Variants in COL17A1 observed in about 807,000 individuals in gnomAD.
The protein encoded by COL17A1 is collagen alpha-1(XVII) chain.
COL17A1 carries 181 observed loss-of-function variants against 218.4 expected under a neutral mutation model. The observed-to-expected ratio is 0.83, with a 90% CI of 0.73 to 0.94. The LOEUF (loss-of-function observed/expected upper bound fraction) is 0.94. Among genes scored for constraint, COL17A1 ranks in the 40% least tolerant of loss-of-function variants. COL17A1 has a pLI of 0.00. For missense variants in COL17A1, 1,924 were observed against 1,945.9 expected (o/e 0.99, Z 0.21); for synonymous variants, 721 against 731.0 (o/e 0.99, Z 0.22).
At chr10:104,047,517 A>G (rs2086424183) in intron 31 of COL17A1, among the ~76,000 whole-genome samples, 4 of 152,170 alleles carry the variant, frequency 2.6e-5, no homozygotes, top group South Asian at 2.1e-4. Context: ...ACAACCTAAC[A>G]CTATGGCAGT....
At position 104,031,895 on chromosome 10, in the gene COL17A1, TC is replaced by T. The variant is rs1844688690; in HGVS notation, c.*339del. On this transcript the variant is annotated 3_prime_UTR_variant, in exon 56 of 56. Transcript: ENST00000648076. ...TCATATTTAGGTAAAGCTCTAAGAC[TC>T]CTGAGCCAACTTTTATGTAACTGGC... 5.0e-6 allele frequency: 2 copies of T among 400,602 alleles called. No individual in the cohort carries two copies. The highest frequency in any genetic ancestry group is 5.1e-5 in the East Asian group (1 of 19,502). 24.8% of individuals were successfully genotyped at this position (400,602 alleles called of 1,614,324 possible).
chr10:104,048,659 C>T (rs991063537), intron 29 of COL17A1, among the ~76,000 whole-genome samples: 1 of 152,186 alleles, frequency 6.6e-6, no homozygotes, highest in Non-Finnish European at 1.5e-5. Context: ...CTGTACCTTG[C>T]GTGACACTTG....
At chr10:104,073,139 G>T in intron 7 of COL17A1, 71 bp downstream of exon 7, 1 of 1,395,810 alleles carries the variant, frequency 7.2e-7, no homozygotes, top group Non-Finnish European at 1.0e-6. Context: ...CTGGCTCAAG[G>T]CTGGACACAC....
intron 9 of COL17A1, among the ~76,000 whole-genome samples, chr10:104,070,121 T>C (rs1352338868): frequency 6.6e-6 from 1 of 152,094 alleles, no homozygotes; most frequent in East Asian, 1.9e-4. Flanking sequence ...GTAGGGAATA[T>C]CCAATCAATC....
At chr10:104,083,622 T>C (rs1259952285) in intron 1 of COL17A1, among the ~76,000 whole-genome samples, 2 of 152,196 alleles carry the variant, frequency 1.3e-5, no homozygotes, top group African/African-American at 4.8e-5. Flanking sequence ...TGATGTCACG[T>C]CTACCTAAAA....
chr10:104,041,669 G>T, intron 36 of COL17A1, 131 bp from the exon 37 acceptor site: 1 of 753,184 alleles, frequency 1.3e-6, no homozygotes, highest in East Asian at 2.7e-5. Flanking sequence ...ACCAGGCCCT[G>T]TGTCATGGCA....
rs761392112 is a variant in COL17A1, at chr10:104,050,896, C to A, written c.2044G>T (p.Val682Leu). 4 of 1,614,202 alleles carry A rather than the reference C, an allele frequency of 2.5e-6. No individual in the cohort carries two copies. The highest frequency in any genetic ancestry group is 3.3e-5 in the Admixed American group (2 of 60,030). ...TCACCTCGGAGCCCTTGGAGACCTA[C>A]AGGACCTGCCCGGCAGAAGAAACCA... ...SPGPQGPPGP[V>L]GLQGLRGEVG... Residue 682 changes from valine (V) to leucine (L), a missense_variant, in exon 26 of 56, where the codon GTA becomes TTA. Transcript: ENST00000648076.
At chr10:104,062,989 A>C (rs1309409005) in intron 11 of COL17A1, among the ~76,000 whole-genome samples, 4 of 152,234 alleles carry the variant, frequency 2.6e-5, no homozygotes, top group Non-Finnish European at 5.9e-5. Context: ...TTGCAAAGCA[A>C]AATAGCAAAG....
intron 32 of COL17A1, among the ~76,000 whole-genome samples, chr10:104,046,068 A>G (rs1280133473): frequency 6.6e-6 from 1 of 152,174 alleles, no homozygotes; most frequent in Non-Finnish European, 1.5e-5. Context: ...TGGGGTTATG[A>G]GCCACCTGGA....
At position 104,035,268 on chromosome 10, in the gene COL17A1, A is replaced by T; in HGVS notation, c.3614T>A (p.Leu1205Ter). ...CCCACTCCACAGTGCCCTACTATGTAAGTAAGACGAGAGGTCCTCCACGCT... is the reference window on the plus strand; with the variant it reads ...CCCACTCCACAGTGCCCTACTATGTTAGTAAGACGAGAGGTCCTCCACGCT... ...SISVEDLSSY[L>*]HTAGLSFIPG... Residue 1205 changes from leucine (L) to a stop codon, truncating the protein, a stop_gained, in exon 50 of 56, where the codon TTA becomes TAA. Coordinates refer to ENST00000648076, the MANE Select transcript of COL17A1 (RefSeq NM_000494.4). LOFTEE classifies it high-confidence loss of function. The T allele has an allele frequency of 6.2e-7, 1 of 1,612,634 alleles. No homozygotes were observed. The highest frequency in any genetic ancestry group is 1.1e-5 in the South Asian group (1 of 90,816).
intron 55 of COL17A1, 54 bp from the exon 56 acceptor site, chr10:104,032,344 A>T: frequency 6.5e-7 from 1 of 1,540,264 alleles, no homozygotes; most frequent in Non-Finnish European, 9.0e-7. Flanking sequence ...GCCTGTGGGG[A>T]TCTTGGCTTG....
At chr10:104,080,061 A>T (rs766938945) in intron 2 of COL17A1, among the ~76,000 whole-genome samples, 1 of 152,100 alleles carries the variant, frequency 6.6e-6, no homozygotes, top group Non-Finnish European at 1.5e-5. Flanking sequence ...AAAGTGAATT[A>T]TTTCCTAACT....
At chr10:104,046,198 A>T (rs906315904) in intron 32 of COL17A1, among the ~76,000 whole-genome samples, 1 of 152,234 alleles carries the variant, frequency 6.6e-6, no homozygotes, top group Admixed American at 6.5e-5. Flanking sequence ...GAGCATTGGA[A>T]GCATGTCCCT....
intron 9 of COL17A1, among the ~76,000 whole-genome samples, chr10:104,066,434 G>C (rs2086626802): frequency 6.6e-6 from 1 of 152,166 alleles, no homozygotes; most frequent in Admixed American, 6.5e-5. Context: ...CAGTCTTTTG[G>C]CCTAAGTTTG....
chr10:104,073,231 T>A lies in COL17A1; in HGVS notation c.394A>T (p.Arg132Ter). The change falls in exon 7 of 56, where the codon AGA (arginine) becomes TGA (stop). Residue 132 changes from arginine to a stop codon, truncating the protein, a stop_gained. Transcript: ENST00000648076. LOFTEE classifies it high-confidence loss of function. ...PRKEFASSST[R>*]GRSQTRESEI... is the part of the protein sequence containing the mutation. Reference sequence around the variant, plus strand: ...TCACCTCGTGTTTGACTCCGTCCTCTGGTTGAAGAAGATGCTGAGAAACAA... The same window carrying A: ...TCACCTCGTGTTTGACTCCGTCCTCAGGTTGAAGAAGATGCTGAGAAACAA... 1 of 1,613,974 alleles carries A rather than the reference T, an allele frequency of 6.2e-7. No individual in the cohort carries two copies. The highest frequency in any genetic ancestry group is 8.5e-7 in the Non-Finnish European group (1 of 1,179,900).
rs1644415619 is a variant in COL17A1 at position 104,036,942 on chromosome 10, T to TG, written c.3277+102dup. ...TGTCCAAAGGACTCTGCCTCCCTCT[T>TG]GCAGCCCTTCCAAGGCTCAGACGAG... is the stretch of plus-strand genomic sequence containing the variant. On this transcript the variant is annotated intron_variant, in intron 47 of 55. Coordinates refer to ENST00000648076, the MANE Select transcript of COL17A1 (RefSeq NM_000494.4). 2.4e-5 allele frequency: 27 copies of TG among 1,123,916 alleles called. 1 individual carries two copies. In the South Asian group the frequency reaches 3.6e-4, roughly 15 times the overall value. The allele number at this position is 1,123,916 out of a possible 1,614,324, so 69.6% of individuals were successfully genotyped here.
chr10:104,076,301 C>T lies in COL17A1; in HGVS notation c.331G>A (p.Gly111Arg). The T allele has an allele frequency of 6.2e-7, 1 of 1,614,016 alleles. No homozygotes were observed. Among genetic ancestry groups the T allele is most frequent in the Non-Finnish European group, 8.5e-7 (1 of 1,179,960 alleles). Reference protein sequence around the residue: ...KTHVTRHAYEGSSSGNSSPEY... With the variant: ...KTHVTRHAYERSSSGNSSPEY... ...CTTGTATGGTTAGTGGGACTGATAC[C>T]TTCATACGCATGGCGGGTAACGTGA... The change falls in exon 5 of 56, where the codon GGG (glycine) becomes AGG (arginine). Residue 111 changes from glycine to arginine, a missense_variant and splice_region_variant. Coordinates refer to ENST00000648076, the MANE Select transcript of COL17A1 (RefSeq NM_000494.4).
At chr10:104,050,720 G>A in intron 26 of COL17A1, 64 bp from the exon 27 acceptor site, 1 of 1,614,132 alleles carries the variant, frequency 6.2e-7, no homozygotes, top group Admixed American at 1.7e-5. Context: ...AAGGGGCAAT[G>A]TCTGTCTCTG....
At chr10:104,078,760 C>T (rs1011710019) in intron 2 of COL17A1, among the ~76,000 whole-genome samples, 174 bp from the exon 3 acceptor site, 2 of 152,194 alleles carry the variant, frequency 1.3e-5, no homozygotes, top group Non-Finnish European at 2.9e-5. Context: ...AAGATATGAG[C>T]AACAACAATG....
Sources: gnomAD v4.1 joint callset for allele counts (sites outside exome capture counted in the v4.1 genomes callset) on GRCh38, gnomAD v4.1.1 for gene constraint, MANE v1.5 for transcripts, NCBI Gene and HGNC (gene_info 2026-07-23, HGNC 2026-07-21) for gene names.